Variants in GRAMD4 observed in about 807,000 individuals in gnomAD.
GRAMD4 encodes GRAM domain-containing protein 4.
Under a neutral mutation model 83.9 loss-of-function variants are expected in GRAMD4, and 25 were observed. The ratio of observed to expected loss-of-function variants is 0.30; its 90% CI spans 0.22 to 0.42. The LOEUF is 0.42. Ranked by LOEUF, GRAMD4 falls within the 10% of genes least tolerant of loss-of-function variation. GRAMD4 has a pLI of 1.00. For missense variants in GRAMD4, 593 were observed against 788.7 expected, an observed-to-expected ratio of 0.75 and a Z score of 2.97; for synonymous variants, 336 against 320.9, an observed-to-expected ratio of 1.05 and a Z score of -0.50.
At chr22:46,634,621 A>G (rs1322327736) in intron 2 of GRAMD4, among the ~76,000 whole-genome samples, 1 of 152,182 alleles carries the variant, frequency 6.6e-6, no homozygotes, top group Non-Finnish European at 1.5e-5. Context: ...GCGTGGCCAC[A>G]GTTTCTGTGT....
chr22:46,666,143 C>T (rs1022086681), intron 9 of GRAMD4, among the ~76,000 whole-genome samples: 1 of 152,174 alleles, frequency 6.6e-6, no homozygotes, highest in Non-Finnish European at 1.5e-5. Flanking sequence ...GTGTGACTGA[C>T]GCGTTAACCC....
chr22:46,608,304 A>G (rs1226593278), intron 1 of GRAMD4, among the ~76,000 whole-genome samples: 9 of 152,230 alleles, frequency 5.9e-5, no homozygotes, highest in African/African-American at 1.2e-4. Context: ...AGACTGGACT[A>G]TCAGAGCACC....
chr22:46,582,473 T>G (rs1474112493), intron 1 of GRAMD4, among the ~76,000 whole-genome samples: 1 of 152,158 alleles, frequency 6.6e-6, no homozygotes, highest in Non-Finnish European at 1.5e-5. Context: ...CTGCTGTCAC[T>G]GCTCTCCTCT....
Position 46,663,820 on chromosome 22 carries a change from T to C in GRAMD4, c.600-18T>C. Reference sequence around the variant, plus strand: ...GGTGCATTAACCCTGGGCTCCCATCTCTCCCCTTCTCTCTTAGGTTAACTG... The same window carrying C: ...GGTGCATTAACCCTGGGCTCCCATCCCTCCCCTTCTCTCTTAGGTTAACTG... On this transcript the variant is annotated intron_variant, in intron 6 of 18. Transcript: ENST00000406902. 6.2e-7 allele frequency: 1 copy of C among 1,612,666 alleles called. No homozygotes were observed. Among genetic ancestry groups the C allele is most frequent in the Middle Eastern group, 1.7e-4 (1 of 6,060 alleles).
intron 17 of GRAMD4, among the ~76,000 whole-genome samples, chr22:46,676,194 A>T (rs1346593948): frequency 6.6e-6 from 1 of 152,184 alleles, no homozygotes; most frequent in African/African-American, 2.4e-5. Context: ...AAAAGCGTGC[A>T]GTCAGGTGAC....
chr22:46,673,036 G>A (rs1451906111), intron 14 of GRAMD4, 39 bp downstream of exon 14: 7 of 1,516,606 alleles, frequency 4.6e-6, no homozygotes, highest in Non-Finnish European at 6.2e-6. Context: ...GGGGGATGGG[G>A]GGCCACGAAG....
chr22:46,614,701 A>G (rs1044295573), intron 1 of GRAMD4, among the ~76,000 whole-genome samples: 1 of 152,074 alleles, frequency 6.6e-6, no homozygotes, highest in African/African-American at 2.4e-5. Context: ...TGCACATTTC[A>G]TGATTATTTG....
chr22:46,637,124 T>G (rs931804403), intron 2 of GRAMD4, among the ~76,000 whole-genome samples: 2 of 152,060 alleles, frequency 1.3e-5, no homozygotes, highest in African/African-American at 2.4e-5. Flanking sequence ...TCCACTGAGG[T>G]GTGAGGGCCT....
At position 46,666,849 on chromosome 22, in the gene GRAMD4, C is replaced by T. The variant is rs375236476; in HGVS notation, c.834C>T (p.Ile278=). 29 of 1,606,306 alleles carry T rather than the reference C, an allele frequency of 1.8e-5. No homozygotes were observed. Among genetic ancestry groups the T allele is most frequent in the Admixed American group, 3.4e-5 (2 of 59,098 alleles). The change falls in exon 10 of 19, where the codon ATC becomes ATT. Residue 278 remains isoleucine (I), a synonymous_variant. Coordinates refer to ENST00000406902, the MANE Select transcript of GRAMD4 (RefSeq NM_015124.5). ...GGGGGTGGCGGATACAGTGGAGCAT[C>T]GTGCCCGAAGTGTCTGAGCCCGTGG... is the stretch of plus-strand genomic sequence containing the variant. ...IARGWRIQWS[I]VPEVSEPVEP...
intron 3 of GRAMD4, among the ~76,000 whole-genome samples, chr22:46,644,797 A>G (rs1163091756): frequency 1.4e-5 from 2 of 143,770 alleles, no homozygotes; most frequent in African/African-American, 5.2e-5. Flanking sequence ...CAGTAGCACA[A>G]TCCTGGCTCA....
upstream of GRAMD4, chr22:46,620,253 G>A: frequency 1.0e-6 from 1 of 955,970 alleles, no homozygotes; most frequent in Non-Finnish European, 1.2e-6. This position sits in a 1 kb window ranked among gnomAD's most constrained non-coding sequence, Gnocchi z 4.7. Flanking sequence ...ATGCTTTTGT[G>A]TTCCAGGGCT....
At chr22:46,580,703 G>A (rs530010113) in intron 1 of GRAMD4, among the ~76,000 whole-genome samples, 66 of 152,322 alleles carry the variant, frequency 4.3e-4, no homozygotes, top group Middle Eastern at 3.4e-3. Flanking sequence ...GCTGGCTCAC[G>A]CCTGTAATCC....
chr22:46,680,727 C>T (rs1184235015), downstream of GRAMD4, among the ~76,000 whole-genome samples: 5 of 94,878 alleles, frequency 5.3e-5, no homozygotes, highest in South Asian at 3.7e-4. Context: ...CCCACCCACC[C>T]ATCCATCCAC....
chr22:46,620,481 C>T lies in GRAMD4; in HGVS notation c.-134C>T. 4.1e-6 allele frequency: 4 copies of T among 984,438 alleles called. No homozygotes were observed. Among genetic ancestry groups the T allele is most frequent in the Middle Eastern group, 5.2e-4 (1 of 1,912 alleles). The allele number at this position is 984,438 out of a possible 1,614,324, so 61.0% of individuals were successfully genotyped here. A position where few individuals can be genotyped will look rare whatever the true frequency, so the allele number is the denominator to read the frequency against. ...GGCTTGGAGGCTATGGTTCCTGGGT[C>T]CTCGTAGCACATCCTGGTTCTGGGC... On this transcript the variant is annotated 5_prime_UTR_variant, in exon 1 of 19. Coordinates refer to ENST00000406902, the MANE Select transcript of GRAMD4 (RefSeq NM_015124.5). This position sits in a 1 kb window ranked among gnomAD's most constrained non-coding sequence, Gnocchi z 4.7.
At chr22:46,614,992 C>G (rs1183667280) in intron 1 of GRAMD4, among the ~76,000 whole-genome samples, 3 of 131,590 alleles carry the variant, frequency 2.3e-5, no homozygotes, top group African/African-American at 8.8e-5. Context: ...CATGTAGGTT[C>G]CCCCGTGTGT....
intron 1 of GRAMD4, among the ~76,000 whole-genome samples, chr22:46,623,451 A>T (rs575349204): frequency 6.6e-6 from 1 of 152,082 alleles, no homozygotes; most frequent in East Asian, 1.9e-4. Flanking sequence ...GCAGTGGTGC[A>T]GTCTCGGCTC....
chr22:46,612,648 T>C (rs555855958), intron 1 of GRAMD4, among the ~76,000 whole-genome samples: 12 of 152,358 alleles, frequency 7.9e-5, no homozygotes, highest in Admixed American at 5.2e-4. Context: ...CTGCTACCTC[T>C]ACCTAAAGAC....
intron 1 of GRAMD4, among the ~76,000 whole-genome samples, chr22:46,584,685 G>C (rs1165450013): frequency 6.6e-6 from 1 of 152,196 alleles, no homozygotes; most frequent in African/African-American, 2.4e-5. Context: ...GGCTGGGGCT[G>C]GGGAGGGGCC....
chr22:46,642,108 C>T (rs1448785550), intron 3 of GRAMD4, among the ~76,000 whole-genome samples: 1 of 152,256 alleles, frequency 6.6e-6, no homozygotes, highest in Non-Finnish European at 1.5e-5. Context: ...AGTTCTGCCT[C>T]TGGGCCTCTT....
Sources: allele counts gnomAD v4.1 joint callset (sites outside exome capture counted in the v4.1 genomes callset), GRCh38; gene constraint gnomAD v4.1.1; non-coding constraint Gnocchi (gnomAD v3.1); transcripts MANE v1.5; gene names NCBI Gene and HGNC (gene_info 2026-07-23, HGNC 2026-07-21).